The following DENND1B variants were observed in gnomAD, a reference collection of about 807,000 sequenced individuals.
DENND1B encodes DENN domain-containing protein 1B.
DENND1B carries 59 observed loss-of-function variants against 90.1 expected under a neutral mutation model. The ratio of observed to expected loss-of-function variants is 0.65; its 90% CI spans 0.53 to 0.81. The LOEUF is 0.81. DENND1B is among the 40% of genes least tolerant of loss of function. The probability of loss-of-function intolerance (pLI) is 0.00; values close to 1 mark genes in which losing one functional copy is unlikely to be tolerated. For synonymous variants in DENND1B, 337 were observed against 324.6 expected, an observed-to-expected ratio of 1.04 and a Z score of -0.41; for missense variants, 862 against 912.6, an observed-to-expected ratio of 0.94 and a Z score of 0.71.
chr1:197,743,733 A>G (rs1226183082), intron 2 of DENND1B, among the ~76,000 whole-genome samples: 1 of 152,220 alleles, frequency 6.6e-6, no homozygotes, highest in Non-Finnish European at 1.5e-5. Context: ...CTGAAGTCCT[A>G]GCTGCTACGG....
chr1:197,582,906 T>C (rs759053489), intron 15 of DENND1B, among the ~76,000 whole-genome samples: 1 of 152,200 alleles, frequency 6.6e-6, no homozygotes, highest in Non-Finnish European at 1.5e-5. Context: ...TCTGTGAATG[T>C]ATATTCTTCC....
At chr1:197,646,518 T>C (rs1254612305) in intron 8 of DENND1B, among the ~76,000 whole-genome samples, 1 of 152,016 alleles carries the variant, frequency 6.6e-6, no homozygotes, top group Non-Finnish European at 1.5e-5. Flanking sequence ...AGTTTTATTT[T>C]CTGTTCATAT....
intron 2 of DENND1B, among the ~76,000 whole-genome samples, chr1:197,761,464 T>C (rs11806557): frequency 2.2e-4 from 33 of 152,310 alleles, no homozygotes; most frequent in African/African-American, 7.9e-4. Context: ...GATGTTCCCG[T>C]GTATTAAAAC....
intron 2 of DENND1B, chr1:197,735,372 A>G (rs1041429910): frequency 1.2e-4 from 166 of 1,365,810 alleles, no homozygotes; most frequent in Non-Finnish European, 1.5e-4. Flanking sequence ...TGGCAATTAA[A>G]CTAAATAAAA....
At chr1:197,580,448 G>A (rs1290793511) in intron 15 of DENND1B, among the ~76,000 whole-genome samples, 2 of 151,674 alleles carry the variant, frequency 1.3e-5, no homozygotes, top group Non-Finnish European at 1.5e-5. Context: ...ATTTTTAACA[G>A]CAAAATTTCC....
At chr1:197,776,803 A>G (rs893515835), upstream of DENND1B, among the ~76,000 whole-genome samples, 1 of 143,788 alleles carries the variant, frequency 7.0e-6, no homozygotes, top group Non-Finnish European at 1.5e-5. Context: ...AGGACGGGCC[A>G]TAACTGGGAA....
chr1:197,564,021 C>T (rs937291377), intron 15 of DENND1B, among the ~76,000 whole-genome samples: 7 of 151,860 alleles, frequency 4.6e-5, no homozygotes, highest in African/African-American at 1.7e-4. Context: ...CATAATAAAA[C>T]TTGAACAGAT....
At chr1:197,552,704 G>C (rs1671341120) in intron 16 of DENND1B, 1 of 1,101,296 alleles carries the variant, frequency 9.1e-7, no homozygotes, top group African/African-American at 1.7e-5. Flanking sequence ...TTCTAGCAGA[G>C]AATACTACTA....
chr1:197,744,973 C>T (rs1196004370), intron 2 of DENND1B, among the ~76,000 whole-genome samples: 1 of 152,174 alleles, frequency 6.6e-6, no homozygotes, highest in Non-Finnish European at 1.5e-5. Context: ...ATGAACCAAC[C>T]TCTGCTAGCT....
intron 15 of DENND1B, among the ~76,000 whole-genome samples, chr1:197,565,355 C>G (rs1000551835): frequency 1.3e-5 from 2 of 151,944 alleles, no homozygotes; most frequent in Non-Finnish European, 2.9e-5. Flanking sequence ...TGCTCAGGAT[C>G]TCATAGAATT....
intron 3 of DENND1B, among the ~76,000 whole-genome samples, chr1:197,712,686 G>GT (rs1391364557): frequency 3.1e-4 from 4 of 12,930 alleles, no homozygotes; most frequent in African/African-American, 1.2e-3. Context: ...AGGACTTCAT[G>GT]TCCAAAACAC....
chr1:197,690,557 C>A, intron 3 of DENND1B: 1 of 227,782 alleles, frequency 4.4e-6, no homozygotes, highest in South Asian at 7.5e-5. Context: ...CTGTGGGTGT[C>A]TTCAAAGCAG....
intron 2 of DENND1B, among the ~76,000 whole-genome samples, chr1:197,772,473 C>T (rs767022693): frequency 2.0e-5 from 3 of 152,126 alleles, no homozygotes; most frequent in Non-Finnish European, 2.9e-5. Flanking sequence ...CTACCATGTT[C>T]CAGCAGTCCA....
At chr1:197,734,117 A>C in intron 2 of DENND1B, 7 of 956,824 alleles carry the variant, frequency 7.3e-6, no homozygotes, top group Non-Finnish European at 8.7e-6. Context: ...AGAAGTCAAA[A>C]TAAAACTGTC....
chr1:197,657,180 A>G (rs1434325297), intron 6 of DENND1B, among the ~76,000 whole-genome samples: 1 of 152,210 alleles, frequency 6.6e-6, no homozygotes, highest in African/African-American at 2.4e-5. Context: ...ATCTAATAAG[A>G]AATGAATATT....
chr1:197,522,013 G>A (rs986448998), intron 20 of DENND1B, among the ~76,000 whole-genome samples: 2 of 151,966 alleles, frequency 1.3e-5, no homozygotes, highest in Admixed American at 1.3e-4. Context: ...AACTATGCTA[G>A]ATAAATAAGT....
At chr1:197,597,334 C>T (rs1675792660) in intron 13 of DENND1B, among the ~76,000 whole-genome samples, 1 of 151,246 alleles carries the variant, frequency 6.6e-6, no homozygotes, top group Non-Finnish European at 1.5e-5. Context: ...ACCTCCACCC[C>T]CAAAAAAGAT....
intron 9 of DENND1B, among the ~76,000 whole-genome samples, chr1:197,644,607 C>T (rs867577797): frequency 2.0e-5 from 3 of 149,440 alleles, no homozygotes; most frequent in Middle Eastern, 6.8e-3. Context: ...GCAGTCAATA[C>T]TTTAGGATCC....
intron 15 of DENND1B, among the ~76,000 whole-genome samples, chr1:197,572,020 C>G (rs1673202765): frequency 1.3e-5 from 2 of 152,150 alleles, no homozygotes; most frequent in Admixed American, 1.3e-4. Context: ...CAGGTGATTT[C>G]TGCATTTCCG....
Sources: allele counts gnomAD v4.1 joint callset (sites outside exome capture counted in the v4.1 genomes callset), GRCh38; gene constraint gnomAD v4.1.1; transcripts MANE v1.5; gene names NCBI Gene and HGNC (gene_info 2026-07-23, HGNC 2026-07-21).